FRMD6: variants seen among roughly 807,000 people sequenced by gnomAD.
FRMD6 encodes the protein FERM domain-containing protein 6.
A neutral mutation model predicts 73.2 loss-of-function variants in FRMD6; 37 were observed. That is an observed-to-expected ratio of 0.51 (90% CI 0.39 to 0.66). The LOEUF (loss-of-function observed/expected upper bound fraction) is 0.66. FRMD6 is among the 30% of genes least tolerant of loss of function. The pLI is 0.00. For synonymous variants in FRMD6, 273 were observed against 282.2 expected (o/e 0.97, Z 0.33); for missense variants, 714 against 780.5 (o/e 0.91, Z 1.02).
At chr14:51,566,900 T>C (rs939728900) in intron 1 of FRMD6, among the ~76,000 whole-genome samples, 7 of 152,226 alleles carry the variant, frequency 4.6e-5, no homozygotes, top group Non-Finnish European at 7.3e-5. Flanking sequence ...TTCACAGAAT[T>C]GGTTGAGGTT....
At chr14:51,594,351 G>A (rs146532947) in intron 2 of FRMD6, among the ~76,000 whole-genome samples, 8,706 of 108,074 alleles carry the variant, frequency 0.081, 472 homozygotes, top group African/African-American at 0.23. Context: ...TTTTTGAGAC[G>A]GAGTTTCACT....
At chr14:51,509,936 T>C (rs1048466924) in intron 1 of FRMD6, among the ~76,000 whole-genome samples, 1 of 152,208 alleles carries the variant, frequency 6.6e-6, no homozygotes, top group African/African-American at 2.4e-5. Context: ...TACGTGTATA[T>C]ACTTTAAATA....
chr14:51,699,571 C>G (rs182140917), intron 3 of FRMD6, among the ~76,000 whole-genome samples: 119 of 152,134 alleles, frequency 7.8e-4, no homozygotes, highest in African/African-American at 2.7e-3. Flanking sequence ...TGACCTGGTT[C>G]TAATTCCGGT....
At chr14:51,594,203 T>C (rs891587022) in intron 2 of FRMD6, among the ~76,000 whole-genome samples, 2 of 152,104 alleles carry the variant, frequency 1.3e-5, no homozygotes. Context: ...CGGCTCACTG[T>C]AAACTCCACC....
At position 51,684,905 on chromosome 14, in the gene FRMD6, G is replaced by A. The variant is rs574668469; in HGVS notation, c.-146-4786G>A. Among the ~76,000 whole-genome samples, 19 of 152,276 alleles carry A rather than the reference G, an allele frequency of 1.2e-4. No homozygotes were observed. In the South Asian group the frequency reaches 3.7e-3, roughly 30 times the overall value. The stretch of plus-strand genomic sequence containing the variant: ...AAGTGACCCTCCTCTGAGAAGAGCT[G>A]AGTAGAGGAGACAGACAACTGAGGA... On this transcript the variant is annotated intron_variant, in intron 1 of 13. Transcript: ENST00000344768.
rs576553488 is a variant in FRMD6, at chr14:51,586,228, C to T, written c.-147+15818C>T. Among the ~76,000 whole-genome samples the T allele has an allele frequency of 9.2e-4, 140 of 152,080 alleles. 4 individuals are homozygous for T. The South Asian group carries it at 0.029, about 31-fold the overall frequency. On this transcript the variant is annotated intron_variant, in intron 2 of 14. Transcript: ENST00000356218. Reference sequence around the variant, plus strand: ...ATGTATAATCTTTCCCTTTTCTCCACAACCTCACCAACTTCTGTTGCTTTT... The same window carrying T: ...ATGTATAATCTTTCCCTTTTCTCCATAACCTCACCAACTTCTGTTGCTTTT...
Position 51,502,054 on chromosome 14 carries a change from C to T in FRMD6, c.-210+12634C>T, listed in dbSNP as rs556367303. ...AGAAGTGTCTGTTCATGTCCTTTGC[C>T]CACTCTTTAATAGGGTTGTTTTTTT... On this transcript the variant is annotated intron_variant, in intron 1 of 14. Coordinates refer to the FRMD6 transcript ENST00000356218. Among the ~76,000 whole-genome samples the T allele has an allele frequency of 2.6e-5, 4 of 152,132 alleles. No homozygotes were observed. The South Asian group carries it at 8.3e-4, about 32-fold the overall frequency.
At chr14:51,535,254 T>A (rs943013625) in intron 1 of FRMD6, among the ~76,000 whole-genome samples, 1 of 152,190 alleles carries the variant, frequency 6.6e-6, no homozygotes, top group African/African-American at 2.4e-5. Flanking sequence ...ATACAGTGGT[T>A]TTTAAAATAT....
At chr14:51,630,179 G>A (rs1029633852) in intron 2 of FRMD6, among the ~76,000 whole-genome samples, 1 of 152,040 alleles carries the variant, frequency 6.6e-6, no homozygotes, top group Non-Finnish European at 1.5e-5. Flanking sequence ...TATATTTGCA[G>A]AGGAAAAGAG....
the FRMD6 span, among the ~76,000 whole-genome samples, chr14:51,444,041 G>A: frequency 2.0e-5 from 3 of 149,030 alleles, no homozygotes; most frequent in African/African-American, 5.0e-5. Context: ...TGATTCTTCC[G>A]CTTCAGCCTC....
At chr14:51,432,794 A>G in the FRMD6 span, among the ~76,000 whole-genome samples, 1 of 152,138 alleles carries the variant, frequency 6.6e-6, no homozygotes, top group Non-Finnish European at 1.5e-5. Context: ...GGGTGTATGA[A>G]TAGGGCTGAG....
In FRMD6 at chr14:51,729,460, C is replaced by T. The variant is rs1187177588; in HGVS notation, c.*1431C>T. On this transcript the variant is annotated 3_prime_UTR_variant, in exon 14 of 14. Coordinates refer to ENST00000344768, the MANE Select transcript of FRMD6 (RefSeq NM_001267046.2). ...TCAATCTTTTGATGTAAAGTAAAAA[C>T]GTAGTTCACACTTCAGGAGAGAACT... The T allele has an allele frequency of 2.6e-5, 4 of 152,540 alleles. No homozygotes were observed. The highest frequency in any genetic ancestry group is 6.6e-5 in the Admixed American group (1 of 15,264). The allele number at this position is 152,540 out of a possible 1,614,324, so 9.4% of individuals were successfully genotyped here. A position where few individuals can be genotyped will look rare whatever the true frequency, so the allele number is the denominator to read the frequency against.
chr14:51,661,977 T>A (rs576788951), intron 1 of FRMD6, among the ~76,000 whole-genome samples: 16 of 152,298 alleles, frequency 1.1e-4, no homozygotes, highest in Admixed American at 1.0e-3. Flanking sequence ...AGGGAGCCTT[T>A]GAGCTTTTCC....
chr14:51,708,039 CA>C, intron 6 of FRMD6, 38 bp from the exon 7 acceptor site: 1 of 1,602,584 alleles, frequency 6.2e-7, no homozygotes, highest in Non-Finnish European at 8.5e-7. Flanking sequence ...TACATCTCTC[CA>C]ACAAATGTTG....
At chr14:51,577,198 G>A (rs995673434) in intron 2 of FRMD6, among the ~76,000 whole-genome samples, 5 of 151,944 alleles carry the variant, frequency 3.3e-5, no homozygotes, top group African/African-American at 1.2e-4. Context: ...GGAGTGGGTG[G>A]GAAAACATGT....
At chr14:51,481,267 T>C in the FRMD6 span, among the ~76,000 whole-genome samples, 2 of 150,322 alleles carry the variant, frequency 1.3e-5, no homozygotes, top group South Asian at 4.3e-4. Context: ...AAAAAAGAGG[T>C]TTAATGGACT....
chr14:51,562,441 C>T (rs1887534389), intron 1 of FRMD6, among the ~76,000 whole-genome samples: 1 of 152,170 alleles, frequency 6.6e-6, no homozygotes, highest in Non-Finnish European at 1.5e-5. Context: ...GGTATATATA[C>T]TGTGGAGACA....
intron 2 of FRMD6, among the ~76,000 whole-genome samples, chr14:51,620,338 G>C (rs1279727936): frequency 6.6e-6 from 1 of 152,152 alleles, no homozygotes; most frequent in African/African-American, 2.4e-5. Context: ...AGTAACTCAT[G>C]AAGGAAATTC....
chr14:51,680,737 C>T (rs1004663343), intron 1 of FRMD6, among the ~76,000 whole-genome samples: 2 of 148,558 alleles, frequency 1.3e-5, no homozygotes, highest in African/African-American at 5.0e-5. Context: ...ATGATGTGCT[C>T]AATAAACGTT....
Sources: gnomAD v4.1 joint callset for allele counts (sites outside exome capture counted in the v4.1 genomes callset) on GRCh38, gnomAD v4.1.1 for gene constraint, MANE v1.5 for transcripts, NCBI Gene and HGNC (gene_info 2026-07-23, HGNC 2026-07-21) for gene names.